Variants in WWTR1 observed in about 807,000 individuals in gnomAD.
WWTR1 encodes WW domain containing transcription regulator 1, also known as WW domain-containing transcription regulator protein 1.
WWTR1 carries 13 observed loss-of-function variants against 40.1 expected under a neutral mutation model. The observed-to-expected ratio is 0.32, with a 90% CI of 0.21 to 0.52. The LOEUF (loss-of-function observed/expected upper bound fraction) is 0.52. Among genes scored for constraint, WWTR1 ranks in the 20% least tolerant of loss-of-function variants. The pLI is 0.97. For synonymous variants in WWTR1, 230 were observed against 210.1 expected (o/e 1.09, Z -0.82); for missense variants, 436 against 523.1 (o/e 0.83, Z 1.63).
intron 4 of WWTR1, among the ~76,000 whole-genome samples, chr3:149,536,704 T>G (rs1484221284): frequency 6.6e-6 from 1 of 151,082 alleles, no homozygotes; most frequent in Non-Finnish European, 1.5e-5. Context: ...CCAGGCTTAG[T>G]CAGCATTTTT....
chr3:149,524,285 T>A (rs1214704695), intron 6 of WWTR1, among the ~76,000 whole-genome samples: 1 of 152,034 alleles, frequency 6.6e-6, no homozygotes, highest in African/African-American at 2.4e-5. Context: ...CCACTTGAGG[T>A]TATTTTAAAG....
chr3:149,617,977 G>T (rs1328324736), intron 2 of WWTR1, among the ~76,000 whole-genome samples: 5 of 152,168 alleles, frequency 3.3e-5, no homozygotes, highest in Admixed American at 2.6e-4. Flanking sequence ...AAATCTGGAA[G>T]GATGTATACC....
chr3:149,673,094 G>A (rs940045439), intron 1 of WWTR1, among the ~76,000 whole-genome samples: 1 of 152,214 alleles, frequency 6.6e-6, no homozygotes, highest in South Asian at 2.1e-4. Context: ...AGAAGAAATA[G>A]GCCAGGTACA....
In WWTR1 at chr3:149,560,079, C is replaced by T. The variant is rs537931085; in HGVS notation, c.568+12785G>A. 4.5e-4 allele frequency among the ~76,000 whole-genome samples: 69 copies of T among 152,280 alleles called. No homozygotes were observed. The South Asian group carries it at 8.1e-3, about 18-fold the overall frequency. ...TGAGATCTGTTGTGAAAGGTCCTTA[C>T]ATCCCAGGGTCAGAGCTGAGACATT... is the stretch of plus-strand genomic sequence containing the variant. On this transcript the variant is annotated intron_variant, in intron 3 of 6. Coordinates refer to ENST00000360632, the MANE Select transcript of WWTR1 (RefSeq NM_015472.6).
At chr3:149,545,818 GC>G (rs1011302852) in intron 3 of WWTR1, among the ~76,000 whole-genome samples, 3 of 152,164 alleles carry the variant, frequency 2.0e-5, no homozygotes, top group African/African-American at 7.2e-5. Flanking sequence ...ACCGCGCCCA[GC>G]CCTATGTTAA....
chr3:149,526,155 T>C (rs1326077862), intron 5 of WWTR1, 30 bp from the exon 6 acceptor site: 3 of 1,497,272 alleles, frequency 2.0e-6, no homozygotes, highest in South Asian at 1.3e-5. Context: ...GAAACTTCAA[T>C]ATGAGCCCAC....
intron 2 of WWTR1, among the ~76,000 whole-genome samples, chr3:149,625,171 G>C (rs1463743198): frequency 6.2e-5 from 9 of 146,048 alleles, no homozygotes; most frequent in South Asian, 2.2e-4. Context: ...GCCCAGGCTG[G>C]AGTGCAGTGG....
intron 2 of WWTR1, among the ~76,000 whole-genome samples, chr3:149,651,093 C>G (rs906687477): frequency 2.8e-4 from 42 of 152,200 alleles, no homozygotes; most frequent in African/African-American, 1.0e-3. Context: ...AGGTATCACT[C>G]TCTTCACATT....
At chr3:149,536,669 TCCCTGTTGCCCCGGCG>T (rs761676400) in intron 4 of WWTR1, among the ~76,000 whole-genome samples, 40 of 151,720 alleles carry the variant, frequency 2.6e-4, no homozygotes, top group Non-Finnish European at 7.4e-5. Context: ...TCTTTTCTCG[TCCCTGTTGCCCCGGCG>T]ACCCGAGGCC....
chr3:149,563,805 GCAGC>G (rs1367427310), intron 3 of WWTR1, among the ~76,000 whole-genome samples: 1 of 152,194 alleles, frequency 6.6e-6, no homozygotes, highest in African/African-American at 2.4e-5. Context: ...AGGCTGCAGT[GCAGC>G]AGCTCCATCT....
intron 2 of WWTR1, among the ~76,000 whole-genome samples, chr3:149,638,688 G>C (rs1475019582): frequency 6.6e-6 from 1 of 150,844 alleles, no homozygotes; most frequent in Non-Finnish European, 1.5e-5. Context: ...CAGCCCACAT[G>C]ACATTTCCTT....
intron 1 of WWTR1, among the ~76,000 whole-genome samples, chr3:149,675,006 C>G (rs958392945): frequency 3.9e-5 from 6 of 152,196 alleles, no homozygotes; most frequent in Admixed American, 6.5e-5. Flanking sequence ...TGTGGGGAGA[C>G]CAGTTGGTAA....
At chr3:149,596,561 G>A (rs994194683) in intron 2 of WWTR1, among the ~76,000 whole-genome samples, 9 of 152,118 alleles carry the variant, frequency 5.9e-5, no homozygotes, top group African/African-American at 1.4e-4. Flanking sequence ...GGCAACAGCC[G>A]TAGTGCAGTG....
At chr3:149,573,207 C>A (rs1002859579) in intron 2 of WWTR1, among the ~76,000 whole-genome samples, 15 of 152,118 alleles carry the variant, frequency 9.9e-5, no homozygotes, top group African/African-American at 3.6e-4. Context: ...CTGCAAGCAG[C>A]TCTCTAAACA....
chr3:149,722,541 T>C (rs1559849870), intron 4 of WWTR1, among the ~76,000 whole-genome samples: 1 of 152,154 alleles, frequency 6.6e-6, no homozygotes, highest in Non-Finnish European at 1.5e-5. Flanking sequence ...AGTGTGTTGG[T>C]TAATTTCCAG....
chr3:149,551,044 T>A (rs114639396), intron 3 of WWTR1, among the ~76,000 whole-genome samples: 2,460 of 144,438 alleles, frequency 0.017, 387 homozygotes, highest in African/African-American at 0.046. Flanking sequence ...CAGGCAGTAA[T>A]CCCAGCACTT....
intron 2 of WWTR1, among the ~76,000 whole-genome samples, chr3:149,628,299 G>A (rs1280222499): frequency 6.6e-6 from 1 of 152,226 alleles, no homozygotes; most frequent in Non-Finnish European, 1.5e-5. Flanking sequence ...GGACCCGGGA[G>A]GCAGAGCTTG....
intron 2 of WWTR1, among the ~76,000 whole-genome samples, chr3:149,576,583 C>A (rs373851465): frequency 5.1e-4 from 78 of 152,290 alleles, no homozygotes; most frequent in African/African-American, 1.8e-3. Flanking sequence ...AGTATAACTT[C>A]CCTTGGAAAT....
chr3:149,595,296 G>C (rs530326223), intron 2 of WWTR1, among the ~76,000 whole-genome samples: 1 of 152,030 alleles, frequency 6.6e-6, no homozygotes, highest in East Asian at 1.9e-4. Flanking sequence ...GTTAACAATT[G>C]CTGAACCTAG....
Sources: gnomAD v4.1 joint callset for allele counts (sites outside exome capture counted in the v4.1 genomes callset) on GRCh38, gnomAD v4.1.1 for gene constraint, MANE v1.5 for transcripts, NCBI Gene and HGNC (gene_info 2026-07-23, HGNC 2026-07-21) for gene names.